The following PAK4 variants were observed in gnomAD, a reference collection of about 807,000 sequenced individuals.
PAK4 encodes p21 (RAC1) activated kinase 4.
Under a neutral mutation model 53.5 loss-of-function variants are expected in PAK4, and 49 were observed. That is an observed-to-expected ratio of 0.92 (90% CI 0.73 to 1.16). PAK4 has a LOEUF of 1.16. PAK4 is among the 50% of genes most tolerant of loss of function. The pLI is 0.00. For synonymous variants in PAK4, 376 were observed against 375.6 expected (o/e 1.00, Z -0.01); for missense variants, 824 against 850.7 (o/e 0.97, Z 0.39).
intron 1 of PAK4, among the ~76,000 whole-genome samples, chr19:39,135,694 A>C (rs1351145043): frequency 6.6e-6 from 1 of 151,918 alleles, no homozygotes; most frequent in Non-Finnish European, 1.5e-5. Flanking sequence ...GGTGAACCCA[A>C]ACAACAGGCA....
rs368029824 is a variant in PAK4 at position 39,137,816 on chromosome 19, G to A, written c.-23+11897G>A. Among the ~76,000 whole-genome samples, 71 of 151,954 alleles carry A rather than the reference G, an allele frequency of 4.7e-4. No homozygotes were observed. The South Asian group carries it at 6.0e-3, about 13-fold the overall frequency. The stretch of plus-strand genomic sequence containing the variant: ...GGAGTAGCTGGGACTACAGTCGTGC[G>A]CCACCATGCCTGGCTAATTTTTTGT... On this transcript the variant is annotated intron_variant, in intron 1 of 8. Coordinates refer to ENST00000358301, the Ensembl canonical transcript of PAK4.
intron 1 of PAK4, among the ~76,000 whole-genome samples, chr19:39,163,010 A>G (rs2074309585): frequency 6.6e-6 from 1 of 152,086 alleles, no homozygotes; most frequent in South Asian, 2.1e-4. Flanking sequence ...AGCTAAGCCA[A>G]GGTTTGGAGG....
At chr19:39,135,844 G>A (rs1230904487) in intron 1 of PAK4, among the ~76,000 whole-genome samples, 3 of 148,636 alleles carry the variant, frequency 2.0e-5, no homozygotes, top group Non-Finnish European at 4.4e-5. Flanking sequence ...CCCTCGTCTT[G>A]TTTCGGGATT....
At chr19:39,164,144 G>A (rs1258989519) in intron 1 of PAK4, among the ~76,000 whole-genome samples, 3 of 152,084 alleles carry the variant, frequency 2.0e-5, no homozygotes, top group African/African-American at 7.2e-5. Flanking sequence ...GGGTATGGTG[G>A]CGGACGCCTG....
chr19:39,169,421 C>A, intron 1 of PAK4, 111 bp from the exon 3 acceptor site: 2 of 769,486 alleles, frequency 2.6e-6, no homozygotes, highest in Non-Finnish European at 4.4e-6. Flanking sequence ...AAGGAGGCTA[C>A]TGCCTCCTGT....
intron 1 of PAK4, among the ~76,000 whole-genome samples, chr19:39,141,980 G>A (rs1045835658): frequency 1.3e-5 from 2 of 152,066 alleles, no homozygotes; most frequent in African/African-American, 4.8e-5. Context: ...CGGTTGATAG[G>A]CCTCTTTTTT....
At chr19:39,127,600 A>C (rs1304546215) in intron 1 of PAK4, among the ~76,000 whole-genome samples, 2 of 152,074 alleles carry the variant, frequency 1.3e-5, no homozygotes, top group African/African-American at 4.8e-5. Context: ...ACTGTTGGGC[A>C]CTGTGCCGGG....
chr19:39,153,699 C>T (rs528783252), intron 1 of PAK4, among the ~76,000 whole-genome samples: 6 of 152,342 alleles, frequency 3.9e-5, no homozygotes, highest in Non-Finnish European at 7.3e-5. Flanking sequence ...GCCTTGGCCT[C>T]TCAAAGTGCA....
intron 8 of PAK4, 134 bp downstream of exon 9, chr19:39,177,943 C>T: frequency 2.9e-6 from 3 of 1,020,148 alleles, no homozygotes; most frequent in Non-Finnish European, 4.2e-6. Context: ...GGGCCCCCCA[C>T]CCCCGGGCCT....
At chr19:39,144,308 C>G (rs2073965187) in intron 1 of PAK4, among the ~76,000 whole-genome samples, 1 of 152,188 alleles carries the variant, frequency 6.6e-6, no homozygotes, top group Non-Finnish European at 1.5e-5. Context: ...CTTCACTCTC[C>G]TGCTTCACAC....
intron 7 of PAK4, among the ~76,000 whole-genome samples, chr19:39,177,445 G>A (rs1486297778): frequency 1.3e-5 from 2 of 152,096 alleles, no homozygotes; most frequent in Admixed American, 1.3e-4. Flanking sequence ...ACACCTGGGG[G>A]CAGTTGACAG....
At chr19:39,126,466 G>GGGGGA (rs201735012) in intron 1 of PAK4, among the ~76,000 whole-genome samples, 1 of 111,854 alleles carries the variant, frequency 8.9e-6, no homozygotes. Flanking sequence ...GGGGGGCCGG[G>GGGGGA]TCAGAGATGC....
At chr19:39,169,802 C>T (rs567054170) in intron 2 of PAK4, 45 bp downstream of exon 3, 38 of 1,419,290 alleles carry the variant, frequency 2.7e-5, no homozygotes, top group East Asian at 7.2e-5. Context: ...CCCCAACCCC[C>T]GAGTGGCCCT....
chr19:39,153,336 G>A (rs866232583), intron 1 of PAK4, among the ~76,000 whole-genome samples: 1 of 152,198 alleles, frequency 6.6e-6, no homozygotes, highest in South Asian at 2.1e-4. Context: ...TCAGCTTACT[G>A]CAACCTCCAC....
At position 39,143,592 on chromosome 19, in the gene PAK4, C is replaced by CAAAAAAAAAAAAAAAAA. The variant is rs544304301; in HGVS notation, c.-23+17688_-23+17704dup. 1.5e-4 allele frequency among the ~76,000 whole-genome samples: 3 copies of CAAAAAAAAAAAAAAAAA among 20,430 alleles called. 1 individual carries two copies. Among genetic ancestry groups the CAAAAAAAAAAAAAAAAA allele is most frequent in the Non-Finnish European group, 1.8e-4 (2 of 11,212 alleles). The allele number at this position is 20,430 out of a possible 152,430, so 13.4% of individuals were successfully genotyped here. A position where few individuals can be genotyped will look rare whatever the true frequency, so the allele number is the denominator to read the frequency against. ...TGGGTGACAGAGCAAGACTCTGTCTCAAAAAAAAAAAAAAAAAAAAAAAAA... is the reference window on the plus strand; with the variant it reads ...TGGGTGACAGAGCAAGACTCTGTCTCAAAAAAAAAAAAAAAAAAAAAAAAAAAAAAAAAAAAAAAAAA... On this transcript the variant is annotated intron_variant, in intron 1 of 8. Transcript: ENST00000358301.
intron 2 of PAK4, 31 bp downstream of exon 3, chr19:39,169,788 C>T: frequency 1.3e-6 from 2 of 1,489,066 alleles, no homozygotes. Context: ...CCTCCCCCAG[C>T]CCACCCCAAC....
At chr19:39,138,013 G>C (rs1600316062) in intron 1 of PAK4, among the ~76,000 whole-genome samples, 1 of 138,074 alleles carries the variant, frequency 7.2e-6, no homozygotes, top group Admixed American at 7.3e-5. Flanking sequence ...ACAGGGTCTT[G>C]CTCTGTCACC....
At chr19:39,130,456 G>T (rs2145096240) in intron 1 of PAK4, among the ~76,000 whole-genome samples, 1 of 152,158 alleles carries the variant, frequency 6.6e-6, no homozygotes, top group South Asian at 2.1e-4. Context: ...GATGACATCT[G>T]ACTGATGAGA....
Position 39,173,383 on chromosome 19 carries a change from C to A in PAK4, c.663+7C>A. ...CCCATCCCGGGGTGCCCAGGTAACC[C>A]ATCCCCCGCCCCAGGGCCCCCACTG... is the stretch of plus-strand genomic sequence containing the variant. On this transcript the variant is annotated splice_region_variant and intron_variant, in intron 3 of 8. Coordinates refer to ENST00000358301, the Ensembl canonical transcript of PAK4. The surrounding 1 kb of genome is among the most constrained non-coding windows in gnomAD (Gnocchi z 6.9). The A allele has an allele frequency of 6.6e-7, 1 of 1,515,458 alleles. No individual in the cohort carries two copies. Among genetic ancestry groups the A allele is most frequent in the East Asian group, 2.3e-5 (1 of 43,554 alleles). The allele number at this position is 1,515,458 out of a possible 1,614,324, so 93.9% of individuals were successfully genotyped here. A position where few individuals can be genotyped will look rare whatever the true frequency, so the allele number is the denominator to read the frequency against.
Sources: gnomAD v4.1 joint callset for allele counts (sites outside exome capture counted in the v4.1 genomes callset) on GRCh38, gnomAD v4.1.1 for gene constraint, Gnocchi (gnomAD v3.1) non-coding constraint, MANE v1.5 for transcripts, NCBI Gene and HGNC (gene_info 2026-07-23, HGNC 2026-07-21) for gene names.